SGF29: variants seen among roughly 807,000 people sequenced by gnomAD.
The protein encoded by SGF29 is SAGA complex associated factor 29.
Under a neutral mutation model 38.1 loss-of-function variants are expected in SGF29, and 15 were observed. The ratio of observed to expected loss-of-function variants is 0.39; its 90% CI spans 0.26 to 0.61. The LOEUF (loss-of-function observed/expected upper bound fraction) is 0.61, where lower values mean the gene tolerates loss of function less well. Ranked by LOEUF, SGF29 falls within the 20% of genes least tolerant of loss-of-function variation. The probability of loss-of-function intolerance (pLI) is 0.49; values close to 1 mark genes in which losing one functional copy is unlikely to be tolerated. For missense variants in SGF29, 184 were observed against 394.6 expected, an observed-to-expected ratio of 0.47 and a Z score of 4.52; for synonymous variants, 151 against 160.8, an observed-to-expected ratio of 0.94 and a Z score of 0.46.
intron 4 of SGF29, 72 bp from the exon 5 acceptor site, chr16:28,589,028 A>C: frequency 6.4e-7 from 1 of 1,564,868 alleles, no homozygotes; most frequent in South Asian, 1.1e-5. Context: ...GACCCAAAAC[A>C]GAAAAAATGG....
intron 1 of SGF29, among the ~76,000 whole-genome samples, chr16:28,575,166 G>T (rs910200601): frequency 2.0e-5 from 3 of 152,068 alleles, no homozygotes; most frequent in African/African-American, 7.2e-5. Context: ...CCACCATCTG[G>T]CTTCACCACC....
chr16:28,573,222 G>C (rs1392929482), intron 1 of SGF29, among the ~76,000 whole-genome samples: 3 of 152,064 alleles, frequency 2.0e-5, no homozygotes, highest in Non-Finnish European at 4.4e-5. Context: ...GTGAGGACCT[G>C]GGGGGGTGTA....
At chr16:28,567,460 T>G (rs2046841734) in intron 1 of SGF29, among the ~76,000 whole-genome samples, 1 of 152,202 alleles carries the variant, frequency 6.6e-6, no homozygotes, top group Non-Finnish European at 1.5e-5. Context: ...AATATTTTGT[T>G]AAAGCAGCCA....
chr16:28,558,596 T>G (rs1350597566), intron 1 of SGF29, among the ~76,000 whole-genome samples: 2 of 152,140 alleles, frequency 1.3e-5, no homozygotes, highest in Admixed American at 1.3e-4. Flanking sequence ...TCATGAGGCA[T>G]TAAAAAGCCC....
chr16:28,584,879 C>G, intron 2 of SGF29, 34 bp from the exon 3 acceptor site: 1 of 1,558,080 alleles, frequency 6.4e-7, no homozygotes, highest in African/African-American at 1.4e-5. Context: ...GCACAAAGGG[C>G]CACCGTCATG....
At chr16:28,589,018 G>T in intron 4 of SGF29, 82 bp from the exon 5 acceptor site, 1 of 1,498,412 alleles carries the variant, frequency 6.7e-7, no homozygotes, top group South Asian at 1.1e-5. Context: ...AATGTAGCTT[G>T]ACCCAAAACA....
intron 1 of SGF29, among the ~76,000 whole-genome samples, chr16:28,568,451 T>C (rs1010535887): frequency 2.0e-5 from 3 of 152,124 alleles, no homozygotes; most frequent in African/African-American, 7.2e-5. Flanking sequence ...TGTATGACAT[T>C]GTATAGCTAC....
rs533218568 is a variant in SGF29 at position 28,571,685 on chromosome 16, C to T, written c.-15-9370C>T. ...AGTACCATGTGGTTCATAGTTGACGCGGTAGCTTGCAGAAGCCAAGGAAAG... is the reference window on the plus strand; with the variant it reads ...AGTACCATGTGGTTCATAGTTGACGTGGTAGCTTGCAGAAGCCAAGGAAAG... On this transcript the variant is annotated intron_variant, in intron 1 of 9. Transcript: ENST00000317058. 4.6e-5 allele frequency among the ~76,000 whole-genome samples: 7 copies of T among 151,732 alleles called. No individual in the cohort carries two copies. In the East Asian group the frequency reaches 7.7e-4, roughly 17 times the overall value.
At chr16:28,564,555 A>ATATATACACG (rs1555474751) in intron 1 of SGF29, among the ~76,000 whole-genome samples, 15 of 132,252 alleles carry the variant, frequency 1.1e-4, no homozygotes, top group African/African-American at 3.8e-4. Flanking sequence ...ATATACGTAT[A>ATATATACACG]TATATATATA....
At chr16:28,562,981 A>G (rs1277941068) in intron 1 of SGF29, among the ~76,000 whole-genome samples, 2 of 150,860 alleles carry the variant, frequency 1.3e-5, no homozygotes, top group East Asian at 3.9e-4. Flanking sequence ...AGACTCTTCC[A>G]CACATAGAAA....
Position 28,585,391 on chromosome 16 carries a change from T to C in SGF29, c.152-257T>C, listed in dbSNP as rs995267444. On this transcript the variant is annotated intron_variant, in intron 3 of 9. Transcript: ENST00000317058. ...GTGTTTTCCTGGGTCCTGACAAATA[T>C]TTTCTGTGAGTGTCATGATGGAGAA... 2.1e-5 allele frequency: 12 copies of C among 567,414 alleles called. No individual in the cohort carries two copies. The African/African-American group carries it at 2.2e-4, about 11-fold the overall frequency. 35.1% of individuals were successfully genotyped at this position (567,414 alleles called of 1,614,324 possible). A position where few individuals can be genotyped will look rare whatever the true frequency, so the allele number is the denominator to read the frequency against.
At chr16:28,571,273 T>C (rs2046863056) in intron 1 of SGF29, among the ~76,000 whole-genome samples, 1 of 152,028 alleles carries the variant, frequency 6.6e-6, no homozygotes, top group African/African-American at 2.4e-5. Flanking sequence ...TCTTGTACTT[T>C]CCGGCCTTCA....
At chr16:28,587,432 C>CTCCTTCT (rs1244727635) in intron 4 of SGF29, among the ~76,000 whole-genome samples, 1 of 152,376 alleles carries the variant, frequency 6.6e-6, no homozygotes, top group East Asian at 1.9e-4. Flanking sequence ...GTGGCTCTTT[C>CTCCTTCT]TCCTTCTCTG....
At chr16:28,569,016 A>T (rs774946339) in intron 1 of SGF29, among the ~76,000 whole-genome samples, 2 of 151,612 alleles carry the variant, frequency 1.3e-5, no homozygotes, top group African/African-American at 4.8e-5. Flanking sequence ...TGAACCTGGG[A>T]GGCGAAGTTT....
chr16:28,558,093 A>G (rs2046764094), intron 1 of SGF29, among the ~76,000 whole-genome samples: 1 of 136,686 alleles, frequency 7.3e-6, no homozygotes, highest in South Asian at 2.3e-4. Flanking sequence ...ACAGGAGTCC[A>G]CCACCACACC....
chr16:28,558,110 CT>C (rs1173870291), intron 1 of SGF29, among the ~76,000 whole-genome samples: 304 of 129,636 alleles, frequency 2.3e-3, no homozygotes, highest in Middle Eastern at 4.3e-3. Context: ...CACCTGGGTA[CT>C]TTTTTTTTTT....
Position 28,578,685 on chromosome 16 carries a change from A to T in SGF29, c.-15-2370A>T, listed in dbSNP as rs1350789581. On this transcript the variant is annotated intron_variant, in intron 1 of 9. Coordinates refer to ENST00000317058, the MANE Select transcript of SGF29 (RefSeq NM_138414.3). The stretch of plus-strand genomic sequence containing the variant: ...GAGGATGTGTTAGTTGAACAACTTT[A>T]AAAAAAAAAAAAAAAAAGAGGGCGA... Among the ~76,000 whole-genome samples, 5 of 252 alleles carry T rather than the reference A, an allele frequency of 0.02. No homozygotes were observed. In the Non-Finnish European group the frequency reaches 0.25, roughly 13 times the overall value. The allele number at this position is 252 out of a possible 152,430, so 0.2% of individuals were successfully genotyped here. A position where few individuals can be genotyped will look rare whatever the true frequency, so the allele number is the denominator to read the frequency against.
chr16:28,585,050 A>T, intron 3 of SGF29, 62 bp downstream of exon 3: 1 of 1,280,364 alleles, frequency 7.8e-7, no homozygotes, highest in South Asian at 1.2e-5. Flanking sequence ...TATGGCCAAG[A>T]CTGTGACCGA....
At chr16:28,564,685 G>GTATATATATGTATATATATATACATATA (rs1434333961) in intron 1 of SGF29, among the ~76,000 whole-genome samples, 2 of 71,188 alleles carry the variant, frequency 2.8e-5, no homozygotes, top group Non-Finnish European at 5.4e-5. Flanking sequence ...GTATATATAT[G>GTATATATATGTATATATATATACATATA]TGTATATATA....
Sources: allele counts gnomAD v4.1 joint callset (sites outside exome capture counted in the v4.1 genomes callset), GRCh38; gene constraint gnomAD v4.1.1; transcripts MANE v1.5; gene names NCBI Gene and HGNC (gene_info 2026-07-23, HGNC 2026-07-21).